The following BBOX1 variants were observed in gnomAD, a reference collection of about 807,000 sequenced individuals.
The protein encoded by BBOX1 is gamma-butyrobetaine dioxygenase.
A neutral mutation model predicts 41.6 loss-of-function variants in BBOX1; 35 were observed. The observed-to-expected ratio is 0.84, with a 90% CI of 0.64 to 1.11. The LOEUF is 1.11. Ranked by LOEUF, BBOX1 falls within the 50% of genes most tolerant of loss-of-function variation. The pLI is 0.00. For missense variants in BBOX1, 458 were observed against 460.6 expected (o/e 0.99, Z 0.05); for synonymous variants, 163 against 154.7 (o/e 1.05, Z -0.40).
chr11:27,065,502 A>G (rs1244239642), intron 4 of BBOX1, among the ~76,000 whole-genome samples: 2 of 152,158 alleles, frequency 1.3e-5, no homozygotes, highest in Non-Finnish European at 2.9e-5. Flanking sequence ...CTGTAAACCT[A>G]CCAGGGGAGA....
chr11:27,050,815 G>T (rs538753842), intron 2 of BBOX1, among the ~76,000 whole-genome samples: 73 of 151,982 alleles, frequency 4.8e-4, no homozygotes, highest in Non-Finnish European at 5.9e-4. Flanking sequence ...TTCAGATTTG[G>T]ATGCCTTTCA....
At chr11:27,049,135 TGG>T (rs10719276) in intron 2 of BBOX1, among the ~76,000 whole-genome samples, 79,606 of 151,094 alleles carry the variant, frequency 0.53, 21,314 homozygotes, top group African/African-American at 0.63. Context: ...ATAAGTTATT[TGG>T]GGGGGGGGAA....
chr11:27,059,123 C>G (rs1857067548), intron 4 of BBOX1, among the ~76,000 whole-genome samples: 1 of 152,174 alleles, frequency 6.6e-6, no homozygotes, highest in African/African-American at 2.4e-5. Context: ...CTCCACTGCC[C>G]TGTGTGTAGC....
chr11:27,054,234 T>TGTGTGTGTGTGTGTGCGC (rs1491475061), intron 2 of BBOX1, among the ~76,000 whole-genome samples: 21 of 148,302 alleles, frequency 1.4e-4, no homozygotes, highest in South Asian at 8.5e-4. Context: ...TGTGTGTGTG[T>TGTGTGTGTGTGTGTGCGC]GCGTGCACAT....
intron 5 of BBOX1, among the ~76,000 whole-genome samples, chr11:27,108,009 T>C (rs1858927878): frequency 6.6e-6 from 1 of 152,090 alleles, no homozygotes; most frequent in Non-Finnish European, 1.5e-5. Context: ...TGTTTTATGA[T>C]TGGAATTGGT....
chr11:27,045,813 GC>G (rs1235676838), intron 2 of BBOX1, among the ~76,000 whole-genome samples: 1 of 152,068 alleles, frequency 6.6e-6, no homozygotes, highest in Non-Finnish European at 1.5e-5. Context: ...AGATAAATCA[GC>G]CTTCTCAGGT....
intron 5 of BBOX1, among the ~76,000 whole-genome samples, chr11:27,101,077 A>G (rs1307868348): frequency 6.6e-6 from 1 of 152,140 alleles, no homozygotes; most frequent in African/African-American, 2.4e-5. Flanking sequence ...GAATCAGGCT[A>G]CAAACCCAGG....
chr11:27,088,713 T>C (rs911331213), intron 4 of BBOX1, among the ~76,000 whole-genome samples: 15 of 152,066 alleles, frequency 9.9e-5, no homozygotes, highest in African/African-American at 3.4e-4. Context: ...TTATTTTATA[T>C]GCAGTTGTTA....
chr11:27,127,267 C>A (rs1048575117), intron 8 of BBOX1, 26 bp from the exon 9 acceptor site: 2 of 1,609,516 alleles, frequency 1.2e-6, no homozygotes, highest in South Asian at 2.2e-5. Context: ...CACAATTATT[C>A]ATATTGGAAA....
chr11:27,059,402 G>A (rs952521489), intron 4 of BBOX1, among the ~76,000 whole-genome samples: 3 of 152,230 alleles, frequency 2.0e-5, no homozygotes, highest in African/African-American at 7.2e-5. Flanking sequence ...GAAAGCCTGG[G>A]TGCCCAAGCA....
rs547497179 is a variant in BBOX1 at position 27,057,276 on chromosome 11, C to T, written c.295C>T (p.Gln99Ter). 4 of 1,611,238 alleles carry T rather than the reference C, an allele frequency of 2.5e-6. No individual in the cohort carries two copies. The highest frequency in any genetic ancestry group is 2.5e-6 in the Non-Finnish European group (3 of 1,179,306). The change falls in exon 4 of 9, where the codon CAG (glutamine) becomes TAG (stop). Residue 99 changes from glutamine (Q) to a stop codon, truncating the protein, a stop_gained. Transcript: ENST00000263182. LOFTEE classifies it high-confidence loss of function. ...GCTGAAGAAAAGATGCTTTTCCAAG[C>T]AGGCCAGAGCAAAGCTCCAAAGAGA... ...DWLKKRCFSKQARAKLQRELF... is the reference protein window; with the variant it reads ...DWLKKRCFSK
intron 5 of BBOX1, among the ~76,000 whole-genome samples, chr11:27,093,924 G>C (rs1337292039): frequency 2.0e-5 from 3 of 151,800 alleles, no homozygotes; most frequent in African/African-American, 4.8e-5. Flanking sequence ...GAATTTGGGG[G>C]GACATAATTT....
Position 27,127,364 on chromosome 11 carries a change from T to A in BBOX1, c.1075T>A (p.Ser359Thr), listed in dbSNP as rs201576660. Residue 359 changes from serine to threonine, a missense_variant, in exon 9 of 9, where the codon TCC (serine) becomes ACC (threonine). By Grantham distance (58) the Ser-to-Thr change is moderately conservative. Transcript: ENST00000263182. ...RRSYEAGTEI[S>T]RHLEGAYADW... The stretch of plus-strand genomic sequence containing the variant: ...TAGCTATGAAGCAGGAACTGAGATA[T>A]CCCGCCATCTAGAAGGAGCTTATGC... 6.0e-4 allele frequency: 969 copies of A among 1,614,060 alleles called. No homozygotes were observed. The highest frequency in any genetic ancestry group is 7.5e-4 in the Non-Finnish European group (883 of 1,180,030).
chr11:27,074,935 G>C (rs971307161), intron 4 of BBOX1, among the ~76,000 whole-genome samples: 2 of 152,218 alleles, frequency 1.3e-5, no homozygotes, highest in Non-Finnish European at 2.9e-5. Context: ...CTGGCATTGA[G>C]TGTCTGTGGC....
chr11:27,053,304 C>T (rs145745941), intron 2 of BBOX1, among the ~76,000 whole-genome samples: 2 of 152,114 alleles, frequency 1.3e-5, no homozygotes, highest in Non-Finnish European at 2.9e-5. Context: ...TGTATTCCAT[C>T]GTAATGAAAG....
chr11:27,093,263 C>T lies in BBOX1; in HGVS notation c.430C>T (p.Leu144Phe). The T allele has an allele frequency of 6.2e-7, 1 of 1,612,524 alleles. No homozygotes were observed. The highest frequency in any genetic ancestry group is 8.5e-7 in the Non-Finnish European group (1 of 1,179,040). The change falls in exon 5 of 9, where the codon CTC becomes TTC. Residue 144 changes from leucine (L) to phenylalanine (F), a missense_variant. Coordinates refer to ENST00000263182, the MANE Select transcript of BBOX1 (RefSeq NM_003986.3). ...ACACGCATACAAGTGGCTCTCCACC[C>T]TCAAGAAAGTAGGCATAGTAAGACT... is the stretch of plus-strand genomic sequence containing the variant. ...DEHAYKWLST[L>F]KKVGIVRLTG...
At chr11:27,085,618 G>T (rs1191968797) in intron 4 of BBOX1, among the ~76,000 whole-genome samples, 1 of 150,118 alleles carries the variant, frequency 6.7e-6, no homozygotes, top group African/African-American at 2.5e-5. Flanking sequence ...TTCCCTGAGA[G>T]ACAACAATAT....
chr11:27,115,781 C>A (rs761506020), intron 6 of BBOX1, among the ~76,000 whole-genome samples: 29 of 151,984 alleles, frequency 1.9e-4, no homozygotes, highest in Middle Eastern at 3.4e-3. Flanking sequence ...ACAACAACAA[C>A]AAAAACATTT....
intron 2 of BBOX1, among the ~76,000 whole-genome samples, chr11:27,045,854 A>T: frequency 6.6e-6 from 1 of 152,288 alleles, no homozygotes; most frequent in East Asian, 1.9e-4. Context: ...TTTTAATTTT[A>T]TGTATAATAA....
Sources: allele counts gnomAD v4.1 joint callset (sites outside exome capture counted in the v4.1 genomes callset), GRCh38; gene constraint gnomAD v4.1.1; transcripts MANE v1.5; gene names NCBI Gene and HGNC (gene_info 2026-07-23, HGNC 2026-07-21).